The following ANKIB1 variants were observed in gnomAD, a reference collection of about 807,000 sequenced individuals.
ANKIB1 encodes ankyrin repeat and IBR domain-containing protein 1.
ANKIB1 carries 43 observed loss-of-function variants against 122.1 expected under a neutral mutation model. That is an observed-to-expected ratio of 0.35 (90% confidence interval 0.28 to 0.45). ANKIB1 has a LOEUF of 0.45. Among genes scored for constraint, ANKIB1 ranks in the 20% least tolerant of loss-of-function variants. The pLI, the probability that ANKIB1 is intolerant of heterozygous loss-of-function variation, is 1.00. For synonymous variants in ANKIB1, 390 were observed against 442.0 expected, an observed-to-expected ratio of 0.88 and a Z score of 1.48; for missense variants, 992 against 1,329.5, an observed-to-expected ratio of 0.75 and a Z score of 3.95.
intron 4 of ANKIB1, among the ~76,000 whole-genome samples, chr7:92,326,668 A>T (rs1484823461): frequency 6.6e-6 from 1 of 152,182 alleles, no homozygotes; most frequent in African/African-American, 2.4e-5. Flanking sequence ...AGGAGAACTC[A>T]TGTTTCATAA....
chr7:92,355,848 CATAATAATAATA>C (rs5885805), intron 9 of ANKIB1, among the ~76,000 whole-genome samples: 129 of 143,372 alleles, frequency 9.0e-4, no homozygotes, highest in Middle Eastern at 3.6e-3. Flanking sequence ...GACTCCGTCT[CATAATAATAATA>C]ATAATAATAA....
At chr7:92,350,165 A>C (rs949490126) in intron 7 of ANKIB1, among the ~76,000 whole-genome samples, 1 of 152,108 alleles carries the variant, frequency 6.6e-6, no homozygotes, top group Non-Finnish European at 1.5e-5. Flanking sequence ...CATCTAAGTG[A>C]AATATAAAAA....
intron 1 of ANKIB1, among the ~76,000 whole-genome samples, chr7:92,259,232 A>G (rs1342980926): frequency 6.6e-6 from 1 of 152,202 alleles, no homozygotes; most frequent in African/African-American, 2.4e-5. Context: ...CTGGGATTAC[A>G]GGCGTGAGCC....
intron 3 of ANKIB1, among the ~76,000 whole-genome samples, chr7:92,313,325 A>G (rs567687233): frequency 6.6e-6 from 1 of 152,286 alleles, no homozygotes; most frequent in East Asian, 1.9e-4. Flanking sequence ...CACTTCATTG[A>G]AAAGTCGTAA....
intron 6 of ANKIB1, 92 bp from the exon 7 acceptor site, chr7:92,344,886 A>G: frequency 4.0e-6 from 4 of 1,000,156 alleles, no homozygotes; most frequent in Non-Finnish European, 6.1e-6. Flanking sequence ...TTACTGTACT[A>G]GTATTTTTGC....
At chr7:92,290,548 A>G (rs1802225476) in intron 1 of ANKIB1, among the ~76,000 whole-genome samples, 1 of 152,104 alleles carries the variant, frequency 6.6e-6, no homozygotes, top group Admixed American at 6.6e-5. Flanking sequence ...TGTGTGACCT[A>G]TATCCAGTTA....
intron 5 of ANKIB1, among the ~76,000 whole-genome samples, chr7:92,328,155 T>C (rs1029039010): frequency 1.3e-5 from 2 of 152,200 alleles, no homozygotes; most frequent in African/African-American, 4.8e-5. Flanking sequence ...AAGCAAATTA[T>C]AGAATGTCTA....
chr7:92,379,556 G>A (rs1804464570), intron 11 of ANKIB1, among the ~76,000 whole-genome samples: 2 of 151,940 alleles, frequency 1.3e-5, no homozygotes, highest in South Asian at 2.1e-4. Context: ...TAAAAAGAAA[G>A]CCTACAATAT....
intron 1 of ANKIB1, among the ~76,000 whole-genome samples, chr7:92,266,168 T>G (rs1248401615): frequency 2.6e-5 from 4 of 151,978 alleles, no homozygotes; most frequent in Non-Finnish European, 5.9e-5. Context: ...GGGAAGTATT[T>G]CAGAAAGGAG....
chr7:92,299,701 T>G (rs1361577228), intron 2 of ANKIB1, among the ~76,000 whole-genome samples: 2 of 152,232 alleles, frequency 1.3e-5, no homozygotes, highest in Admixed American at 1.3e-4. Context: ...TTCACTTAAT[T>G]TTTTAAAATG....
At chr7:92,249,878 G>A (rs1283575407) in intron 1 of ANKIB1, among the ~76,000 whole-genome samples, 3 of 151,748 alleles carry the variant, frequency 2.0e-5, no homozygotes, top group East Asian at 1.9e-4. Flanking sequence ...CCCCACACGC[G>A]AATAAACTAA....
intron 14 of ANKIB1, among the ~76,000 whole-genome samples, chr7:92,389,520 T>C (rs1486862145): frequency 6.6e-6 from 1 of 152,158 alleles, no homozygotes; most frequent in Non-Finnish European, 1.5e-5. Context: ...TTGTATCTTT[T>C]TCCTTACGGT....
intron 9 of ANKIB1, among the ~76,000 whole-genome samples, chr7:92,355,892 T>C (rs1331835038): frequency 6.7e-6 from 1 of 149,438 alleles, no homozygotes; most frequent in African/African-American, 2.4e-5. Context: ...ATAATAGTAA[T>C]AGTAATAATA....
At chr7:92,339,328 C>T (rs918790344) in intron 5 of ANKIB1, among the ~76,000 whole-genome samples, 1 of 152,004 alleles carries the variant, frequency 6.6e-6, no homozygotes, top group African/African-American at 2.4e-5. Flanking sequence ...AGGCGTGAGC[C>T]ACCGCACCTG....
intron 5 of ANKIB1, among the ~76,000 whole-genome samples, chr7:92,338,418 C>A (rs1304970255): frequency 2.0e-5 from 3 of 147,178 alleles, no homozygotes; most frequent in African/African-American, 5.1e-5. Flanking sequence ...GACTTTGCCT[C>A]AAAAAAAAAT....
At chr7:92,342,664 A>G (rs145828789) in intron 5 of ANKIB1, among the ~76,000 whole-genome samples, 231 of 152,334 alleles carry the variant, frequency 1.5e-3, no homozygotes, top group Non-Finnish European at 2.5e-3. Flanking sequence ...AAAAAATTAT[A>G]TATACTTTTG....
rs1804989449 is a variant in ANKIB1 at position 92,400,315 on chromosome 7, T to C, written c.*1366T>C. 1 of 152,246 alleles carries C rather than the reference T, an allele frequency of 6.6e-6. No homozygotes were observed. The highest frequency in any genetic ancestry group is 2.4e-5 in the African/African-American group (1 of 41,468). The allele number at this position is 152,246 out of a possible 1,614,324, so 9.4% of individuals were successfully genotyped here. A position where few individuals can be genotyped will look rare whatever the true frequency, so the allele number is the denominator to read the frequency against. Reference sequence around the variant, plus strand: ...TCTTACTGTGAAGAAAATACTGGTCTTAGTTGTAATTAGGATACAATGGTA... The same window carrying C: ...TCTTACTGTGAAGAAAATACTGGTCCTAGTTGTAATTAGGATACAATGGTA... On this transcript the variant is annotated 3_prime_UTR_variant, in exon 20 of 20. Coordinates refer to ENST00000265742, the MANE Select transcript of ANKIB1 (RefSeq NM_019004.2).
chr7:92,331,147 A>G (rs13242676), intron 5 of ANKIB1, among the ~76,000 whole-genome samples: 3 of 152,184 alleles, frequency 2.0e-5, no homozygotes, highest in African/African-American at 7.2e-5. Flanking sequence ...AGGATTAAAT[A>G]CAGTAAACGT....
chr7:92,353,580 GT>G (rs1354707132), intron 9 of ANKIB1, among the ~76,000 whole-genome samples: 3 of 152,156 alleles, frequency 2.0e-5, no homozygotes, highest in Non-Finnish European at 4.4e-5. Flanking sequence ...CAGAAACTAA[GT>G]GTATCACTGC....
Sources: allele counts gnomAD v4.1 joint callset (sites outside exome capture counted in the v4.1 genomes callset), GRCh38; gene constraint gnomAD v4.1.1; transcripts MANE v1.5; gene names NCBI Gene and HGNC (gene_info 2026-07-23, HGNC 2026-07-21).